Variants in NRG3 observed in about 807,000 individuals in gnomAD.
NRG3 encodes the protein neuregulin 3.
In NRG3, 31 loss-of-function variants were observed where a neutral mutation model predicts 66.9. The observed-to-expected ratio is 0.46, with a 90% CI of 0.35 to 0.63. NRG3 has a LOEUF of 0.63. NRG3 is among the 20% of genes least tolerant of loss of function. NRG3 has a pLI of 0.00. For synonymous variants in NRG3, 393 were observed against 359.4 expected (o/e 1.09, Z -1.06); for missense variants, 910 against 878.9 (o/e 1.04, Z -0.45).
chr10:82,624,794 A>C (rs985020679), intron 2 of NRG3, among the ~76,000 whole-genome samples: 1 of 147,858 alleles, frequency 6.8e-6, no homozygotes, highest in Non-Finnish European at 1.5e-5. Context: ...CTTTTTAATG[A>C]GAAATATATG....
intron 2 of NRG3, among the ~76,000 whole-genome samples, chr10:82,450,212 T>A (rs1411129007): frequency 6.6e-6 from 1 of 152,206 alleles, no homozygotes; most frequent in Non-Finnish European, 1.5e-5. Context: ...TAGGATTTAA[T>A]TACCCCCATG....
Position 81,875,511 on chromosome 10 carries a change from C to A in NRG3, c.171C>A (p.Cys57Ter). 6.2e-7 allele frequency: 1 copy of A among 1,608,376 alleles called. No individual in the cohort carries two copies. Among genetic ancestry groups the A allele is most frequent in the Non-Finnish European group, 8.5e-7 (1 of 1,177,802 alleles). The change falls in exon 1 of 9, where the codon TGC becomes TGA. Residue 57 changes from cysteine (C) to a stop codon, truncating the protein, a stop_gained. Coordinates refer to ENST00000372141, the MANE Select transcript of NRG3 (RefSeq NM_001010848.4). LOFTEE classifies it high-confidence loss of function. The surrounding 1 kb of genome is among the most constrained non-coding windows in gnomAD (Gnocchi z 5.3). ...CCCGGGAGTTACGCTGTAGCGACTGCATCGTGTGGAACCGGCAGCAGACGT... is the reference window on the plus strand; with the variant it reads ...CCCGGGAGTTACGCTGTAGCGACTGAATCGTGTGGAACCGGCAGCAGACGT... ...EPPRELRCSD[C>*]IVWNRQQTWL...
intron 2 of NRG3, among the ~76,000 whole-genome samples, chr10:82,656,944 G>A (rs2051917655): frequency 6.6e-6 from 1 of 151,866 alleles, no homozygotes; most frequent in South Asian, 2.1e-4. Context: ...CTCGTCTCTG[G>A]CTCTCCTCCC....
At chr10:82,145,187 C>T (rs1209552850) in intron 1 of NRG3, among the ~76,000 whole-genome samples, 2 of 152,122 alleles carry the variant, frequency 1.3e-5, no homozygotes, top group Non-Finnish European at 2.9e-5. Context: ...CACTAGAACT[C>T]GGTATGGTGT....
intron 1 of NRG3, among the ~76,000 whole-genome samples, chr10:82,052,496 C>T (rs1361329583): frequency 1.3e-5 from 2 of 152,184 alleles, no homozygotes; most frequent in African/African-American, 4.8e-5. Context: ...GTAATTACCT[C>T]TGGGAATCTC....
chr10:82,572,413 A>C (rs1311080945), intron 2 of NRG3, among the ~76,000 whole-genome samples: 3 of 151,732 alleles, frequency 2.0e-5, no homozygotes, highest in African/African-American at 7.2e-5. Flanking sequence ...AAGTCGACTC[A>C]ATCATAGACC....
At chr10:82,137,197 CAGTA>C (rs2069432910) in intron 1 of NRG3, among the ~76,000 whole-genome samples, 1 of 152,118 alleles carries the variant, frequency 6.6e-6, no homozygotes, top group African/African-American at 2.4e-5. Flanking sequence ...TGTTACACAT[CAGTA>C]AGTAAGAGGT....
At chr10:82,417,537 G>T (rs888119916) in intron 2 of NRG3, among the ~76,000 whole-genome samples, 6 of 152,268 alleles carry the variant, frequency 3.9e-5, no homozygotes, top group African/African-American at 1.4e-4. Flanking sequence ...ACCACTTATT[G>T]AGTACTTCTT....
chr10:82,674,937 ATATTTATT>A (rs57484788), intron 2 of NRG3, among the ~76,000 whole-genome samples: 49 of 143,706 alleles, frequency 3.4e-4, no homozygotes, highest in South Asian at 1.3e-3. Context: ...GGTTTTATTT[ATATTTATT>A]TATTTATTTA....
Position 81,975,208 on chromosome 10 carries a change from A to T in NRG3, c.823+99045A>T, listed in dbSNP as rs78455340. ...GCCTACTGCAATGCCAGGATCTCAG[A>T]GACAAATAAAAAATGTGATAGAAAC... On this transcript the variant is annotated intron_variant, in intron 1 of 8. Transcript: ENST00000372141. 3.9e-3 allele frequency among the ~76,000 whole-genome samples: 599 copies of T among 152,176 alleles called. 2 individuals carry two copies. The highest frequency in any genetic ancestry group is 6.2e-3 in the South Asian group (30 of 4,818).
intron 2 of NRG3, among the ~76,000 whole-genome samples, chr10:82,606,148 C>A (rs941441201): frequency 6.6e-6 from 1 of 152,160 alleles, no homozygotes; most frequent in Middle Eastern, 3.4e-3. Flanking sequence ...TCCTTTTATT[C>A]TACTATACAC....
At chr10:82,568,819 C>T (rs1430658473) in intron 2 of NRG3, among the ~76,000 whole-genome samples, 2 of 151,726 alleles carry the variant, frequency 1.3e-5, no homozygotes, top group African/African-American at 4.8e-5. Flanking sequence ...AACTACATTC[C>T]TGTTTATATG....
In NRG3 at chr10:82,034,523, C is replaced by T. The variant is rs374190347; in HGVS notation, c.823+158360C>T. 1.2e-4 allele frequency among the ~76,000 whole-genome samples: 19 copies of T among 152,150 alleles called. No individual in the cohort carries two copies. In the East Asian group the frequency reaches 2.1e-3, roughly 17 times the overall value. ...CAAGCTACTTAATTTCTTTCTATTT[C>T]ATTTTCCTTATATCTAAAATGAGAA... On this transcript the variant is annotated intron_variant, in intron 1 of 8. Coordinates refer to ENST00000372141, the MANE Select transcript of NRG3 (RefSeq NM_001010848.4).
chr10:82,670,919 T>C (rs1184117818), intron 2 of NRG3, among the ~76,000 whole-genome samples: 3 of 152,156 alleles, frequency 2.0e-5, no homozygotes, highest in African/African-American at 7.2e-5. Context: ...GCATTTCCCA[T>C]CAATTCTCAT....
intron 1 of NRG3, among the ~76,000 whole-genome samples, chr10:82,267,056 T>A (rs994570751): frequency 6.6e-6 from 1 of 152,132 alleles, no homozygotes; most frequent in African/African-American, 2.4e-5. Context: ...CTGGCTTCAG[T>A]GTTTTTCAAA....
chr10:82,264,494 G>T lies in NRG3; in HGVS notation c.824-94245G>T, dbSNP rs557636453. On this transcript the variant is annotated intron_variant, in intron 1 of 8. Transcript: ENST00000372141. The stretch of plus-strand genomic sequence containing the variant: ...TATTACAATTGAAGGTGAGATTTGG[G>T]TGGGGACACAGAGCCAAACCATATA... Among the ~76,000 whole-genome samples, 30 of 152,264 alleles carry T rather than the reference G, an allele frequency of 2.0e-4. 1 individual carries two copies. The South Asian group carries it at 6.0e-3, about 31-fold the overall frequency.
chr10:82,537,544 CTT>C (rs1397313448), intron 2 of NRG3, among the ~76,000 whole-genome samples: 1 of 152,090 alleles, frequency 6.6e-6, no homozygotes, highest in Non-Finnish European at 1.5e-5. Context: ...TAAGCAATGA[CTT>C]TACACCTAAG....
intron 1 of NRG3, among the ~76,000 whole-genome samples, chr10:82,337,992 G>A (rs140095547): frequency 2.8e-4 from 42 of 152,212 alleles, no homozygotes; most frequent in East Asian, 7.7e-4. Context: ...AGATCCGCAC[G>A]CCTTCCCTTT....
chr10:82,237,367 T>C (rs941410042), intron 1 of NRG3, among the ~76,000 whole-genome samples: 1 of 152,222 alleles, frequency 6.6e-6, no homozygotes, highest in African/African-American at 2.4e-5. Flanking sequence ...CTATGAATAC[T>C]CCATTCTTTT....
Sources: allele counts gnomAD v4.1 joint callset (sites outside exome capture counted in the v4.1 genomes callset), GRCh38; gene constraint gnomAD v4.1.1; non-coding constraint Gnocchi (gnomAD v3.1); transcripts MANE v1.5; gene names NCBI Gene and HGNC (gene_info 2026-07-23, HGNC 2026-07-21).